Variants in NELL1 observed in about 807,000 individuals in gnomAD.
NELL1 encodes protein kinase C-binding protein NELL1.
Under a neutral mutation model 107.4 loss-of-function variants are expected in NELL1, and 76 were observed. The ratio of observed to expected loss-of-function variants is 0.71; its 90% CI spans 0.59 to 0.86. The LOEUF is 0.86. Among genes scored for constraint, NELL1 ranks in the 40% least tolerant of loss-of-function variants. The probability of loss-of-function intolerance (pLI) is 0.00; values close to 1 mark genes in which losing one functional copy is unlikely to be tolerated. For synonymous variants in NELL1, 353 were observed against 341.2 expected (o/e 1.03, Z -0.38); for missense variants, 1,024 against 1,005.5 (o/e 1.02, Z -0.25).
chr11:21,109,312 G>A (rs776118063), intron 12 of NELL1, among the ~76,000 whole-genome samples: 4 of 152,088 alleles, frequency 2.6e-5, no homozygotes, highest in Non-Finnish European at 5.9e-5. Context: ...ATGGGTATCA[G>A]CCTGTGCCCA....
intron 5 of NELL1, among the ~76,000 whole-genome samples, chr11:20,906,040 A>C (rs949190830): frequency 6.6e-6 from 1 of 152,174 alleles, no homozygotes; most frequent in African/African-American, 2.4e-5. Context: ...AGCAGAAAGC[A>C]AGACATGACT....
At chr11:21,517,200 A>G (rs1855588323) in intron 15 of NELL1, among the ~76,000 whole-genome samples, 1 of 152,176 alleles carries the variant, frequency 6.6e-6, no homozygotes, top group African/African-American at 2.4e-5. Flanking sequence ...GGGGACCTCA[A>G]CTTTTCTACA....
intron 15 of NELL1, among the ~76,000 whole-genome samples, chr11:21,457,095 G>A (rs1414297835): frequency 6.6e-6 from 1 of 152,124 alleles, no homozygotes; most frequent in African/African-American, 2.4e-5. Context: ...CTAGAACTGA[G>A]TAGGAAGGGA....
chr11:21,383,695 A>G (rs1015349976), intron 15 of NELL1: 1 of 149,064 alleles, frequency 6.7e-6, no homozygotes, highest in Non-Finnish European at 1.5e-5. Flanking sequence ...ATATCTGTAT[A>G]TATATTTATA....
At chr11:20,939,096 G>A (rs1850793283) in intron 10 of NELL1, among the ~76,000 whole-genome samples, 3 of 152,090 alleles carry the variant, frequency 2.0e-5, no homozygotes, top group South Asian at 4.2e-4. Flanking sequence ...ATGATTGAAG[G>A]CAGTGATAGT....
At chr11:20,986,696 A>G (rs899572211) in intron 12 of NELL1, among the ~76,000 whole-genome samples, 3 of 151,346 alleles carry the variant, frequency 2.0e-5, no homozygotes, top group African/African-American at 7.3e-5. Context: ...TTTTAGAATC[A>G]CTGTTCTAGA....
At chr11:20,808,310 G>A (rs764293753) in intron 3 of NELL1, among the ~76,000 whole-genome samples, 4 of 152,102 alleles carry the variant, frequency 2.6e-5, no homozygotes, top group African/African-American at 4.8e-5. Flanking sequence ...TGTCATCTGC[G>A]AGCTAGGGCC....
intron 12 of NELL1, among the ~76,000 whole-genome samples, chr11:20,999,977 G>T (rs1315275877): frequency 6.6e-6 from 1 of 151,326 alleles, no homozygotes. Context: ...TATGAAGGTT[G>T]TGTGTGTGTG....
At chr11:21,177,687 C>T (rs1856741684) in intron 13 of NELL1, among the ~76,000 whole-genome samples, 1 of 151,766 alleles carries the variant, frequency 6.6e-6, no homozygotes, top group Non-Finnish European at 1.5e-5. Flanking sequence ...TTTGGAGGGA[C>T]CTCCATACTG....
intron 12 of NELL1, among the ~76,000 whole-genome samples, chr11:20,973,261 A>G (rs530430683): frequency 6.6e-6 from 1 of 151,820 alleles, no homozygotes; most frequent in Admixed American, 6.6e-5. Flanking sequence ...GGCATGCACC[A>G]CCACCCCTGG....
chr11:21,036,473 A>C (rs1370342901), intron 12 of NELL1, among the ~76,000 whole-genome samples: 1 of 152,140 alleles, frequency 6.6e-6, no homozygotes, highest in Non-Finnish European at 1.5e-5. Context: ...CACTGACTGC[A>C]AACTATATTA....
Position 21,337,776 on chromosome 11 carries a change from CTTT to C in NELL1, c.1550-33076_1550-33074del, listed in dbSNP as rs1565175310. On this transcript the variant is annotated intron_variant, in intron 14 of 19. Transcript: ENST00000357134. ...TCTTTCTTTCTTTCTTTCTTTCTTTCTTTCTTTCTTTCTTTCTTTCCTTCTTTC... is the reference window on the plus strand; with the variant it reads ...TCTTTCTTTCTTTCTTTCTTTCTTTCCTTTCTTTCTTTCTTTCCTTCTTTC... Among the ~76,000 whole-genome samples, 3 of 140,856 alleles carry C rather than the reference CTTT, an allele frequency of 2.1e-5. No homozygotes were observed. In the East Asian group the frequency reaches 6.3e-4, roughly 30 times the overall value. The allele number at this position is 140,856 out of a possible 152,430, so 92.4% of individuals were successfully genotyped here.
chr11:20,874,994 C>T (rs987947843), intron 4 of NELL1, among the ~76,000 whole-genome samples: 8 of 152,164 alleles, frequency 5.3e-5, no homozygotes, highest in Non-Finnish European at 2.9e-5. Flanking sequence ...TTTCTGATTC[C>T]TTCTGAAGTA....
At chr11:20,834,386 G>T (rs947966167) in intron 3 of NELL1, among the ~76,000 whole-genome samples, 1 of 152,178 alleles carries the variant, frequency 6.6e-6, no homozygotes, top group Non-Finnish European at 1.5e-5. Context: ...TGCGAGTATT[G>T]AGTTTGGGGT....
intron 3 of NELL1, among the ~76,000 whole-genome samples, chr11:20,815,246 G>A (rs544254617): frequency 1.3e-5 from 2 of 151,952 alleles, no homozygotes; most frequent in African/African-American, 2.4e-5. Context: ...TGTATTTTTA[G>A]TAGAGACAGG....
At chr11:20,675,446 A>G (rs1854030365) in intron 1 of NELL1, among the ~76,000 whole-genome samples, 1 of 152,192 alleles carries the variant, frequency 6.6e-6, no homozygotes, top group Admixed American at 6.5e-5. Flanking sequence ...AGTATTGATC[A>G]TGCATCAACT....
chr11:21,456,004 C>G (rs543826673), intron 15 of NELL1, among the ~76,000 whole-genome samples: 3 of 151,196 alleles, frequency 2.0e-5, no homozygotes, highest in Non-Finnish European at 4.4e-5. Context: ...TCTCCTGTCT[C>G]AGCCTCCCGA....
chr11:20,912,037 A>G (rs1850143933), intron 5 of NELL1, among the ~76,000 whole-genome samples: 1 of 152,208 alleles, frequency 6.6e-6, no homozygotes, highest in African/African-American at 2.4e-5. Context: ...CATCTGCTGA[A>G]TTGCTCCAGA....
rs538852560 is a variant in NELL1, at chr11:21,365,150, A to G, written c.1550-5703A>G. On this transcript the variant is annotated intron_variant, in intron 14 of 19. Transcript: ENST00000357134. ...ACTGTGTTCGTGCTACTGCAGTAGC[A>G]TTTATCACATTTTATTATGCTTGGT... 2.0e-4 allele frequency among the ~76,000 whole-genome samples: 31 copies of G among 152,238 alleles called. 2 individuals are homozygous for G. In the South Asian group the frequency reaches 6.2e-3, roughly 31 times the overall value.
Sources: gnomAD v4.1 joint callset for allele counts (sites outside exome capture counted in the v4.1 genomes callset) on GRCh38, gnomAD v4.1.1 for gene constraint, MANE v1.5 for transcripts, NCBI Gene and HGNC (gene_info 2026-07-23, HGNC 2026-07-21) for gene names.